The following CDX2 variants were observed in gnomAD, a reference collection of about 807,000 sequenced individuals.
CDX2 encodes the protein homeobox protein CDX-2.
CDX2 carries 7 observed loss-of-function variants against 25.5 expected under a neutral mutation model. The observed-to-expected ratio is 0.27, with a 90% CI of 0.16 to 0.52. The LOEUF (loss-of-function observed/expected upper bound fraction) is 0.52. Ranked by LOEUF, CDX2 falls within the 20% of genes least tolerant of loss-of-function variation. The pLI, the probability that CDX2 is intolerant of heterozygous loss-of-function variation, is 0.97. For missense variants in CDX2, 375 were observed against 431.4 expected (o/e 0.87, Z 1.16); for synonymous variants, 222 against 198.6 (o/e 1.12, Z -0.99).
In CDX2 at chr13:27,968,797, G is replaced by T. The variant is rs765641545; in HGVS notation, c.210C>A (p.Gly70=). The T allele has an allele frequency of 6.5e-7, 1 of 1,526,914 alleles. No individual in the cohort carries two copies. Among genetic ancestry groups the T allele is most frequent in the African/African-American group, 1.4e-5 (1 of 71,684 alleles). The allele number at this position is 1,526,914 out of a possible 1,614,324, so 94.6% of individuals were successfully genotyped here. The change falls in exon 1 of 3, where the codon GGC becomes GGA. Residue 70 remains glycine, a synonymous_variant. Transcript: ENST00000381020. ...CATTCCAGTCCTCCCGGAGTGGGGC[G>T]CCATACGCTGCCGGCCAGGATGGCC... ...SPGPSWPAAY[G]APLREDWNGY...
rs566282745 is a variant in CDX2, at chr13:27,962,630, A to C, written c.*485T>G. The stretch of plus-strand genomic sequence containing the variant: ...TATCTTAGCTGCCTTTGGCTTCCGC[A>C]GTGTAAACCTTGCCTGCCCGGAGGC... On this transcript the variant is annotated 3_prime_UTR_variant, in exon 3 of 3. Transcript: ENST00000381020. The C allele has an allele frequency of 4.3e-6, 1 of 234,258 alleles. No individual in the cohort carries two copies. The highest frequency in any genetic ancestry group is 2.2e-5 in the African/African-American group (1 of 45,478). The allele number at this position is 234,258 out of a possible 1,614,324, so 14.5% of individuals were successfully genotyped here. A position where few individuals can be genotyped will look rare whatever the true frequency, so the allele number is the denominator to read the frequency against.
In CDX2 at chr13:27,960,996, T is replaced by TGGGCGCGGCCG. The variant is rs893523527; in HGVS notation, c.*2108_*2118dup. ...CCCCGGCGGCTAGGGGGCGGGCCTG[T>TGGGCGCGGCCG]GGGCGCGGCCGGGGCGCGGGGAGAC... is the stretch of plus-strand genomic sequence containing the variant. On this transcript the variant is annotated 3_prime_UTR_variant, in exon 3 of 3. Coordinates refer to ENST00000381020, the MANE Select transcript of CDX2 (RefSeq NM_001265.6). Among the ~76,000 whole-genome samples the TGGGCGCGGCCG allele has an allele frequency of 7.9e-5, 12 of 152,310 alleles. No individual in the cohort carries two copies. The highest frequency in any genetic ancestry group is 2.6e-4 in the African/African-American group (11 of 41,582).
In CDX2 at chr13:27,962,894, A is replaced by G; in HGVS notation, c.*221T>C. On this transcript the variant is annotated 3_prime_UTR_variant, in exon 3 of 3. Coordinates refer to ENST00000381020, the MANE Select transcript of CDX2 (RefSeq NM_001265.6). Reference sequence around the variant, plus strand: ...AGGCTTTCTGTCTCCTCAGTGGCAGAAAAAGCCAGATGGGAAAAAGTAAAA... The same window carrying G: ...AGGCTTTCTGTCTCCTCAGTGGCAGGAAAAGCCAGATGGGAAAAAGTAAAA... 1 of 526,204 alleles carries G rather than the reference A, an allele frequency of 1.9e-6. No homozygotes were observed. Among genetic ancestry groups the G allele is most frequent in the African/African-American group, 1.9e-5 (1 of 53,518 alleles). 32.6% of individuals were successfully genotyped at this position (526,204 alleles called of 1,614,324 possible).
In CDX2 at chr13:27,969,186, C is replaced by G; in HGVS notation, c.-180G>C. On this transcript the variant is annotated 5_prime_UTR_variant, in exon 1 of 3. Transcript: ENST00000381020. ...TCTGCCTCCGAGGCGGTCCCTCCCT[C>G]TGGCCTGCCTCCTCCCTCCCTCCCT... 1.8e-6 allele frequency: 1 copy of G among 558,180 alleles called. No individual in the cohort carries two copies. The highest frequency in any genetic ancestry group is 3.1e-6 in the Non-Finnish European group (1 of 319,102). The allele number at this position is 558,180 out of a possible 1,614,324, so 34.6% of individuals were successfully genotyped here. A position where few individuals can be genotyped will look rare whatever the true frequency, so the allele number is the denominator to read the frequency against.
chr13:27,969,045 TG>T lies in CDX2; in HGVS notation c.-40del. ...CGGGAGCAGACCTCACCATGCTGCC[TG>T]GGGACCGACGCTGGAGGCTGCCGGG... is the stretch of plus-strand genomic sequence containing the variant. On this transcript the variant is annotated 5_prime_UTR_variant, in exon 1 of 3. Transcript: ENST00000381020. 2 of 1,517,610 alleles carry T rather than the reference TG, an allele frequency of 1.3e-6. No individual in the cohort carries two copies. Among genetic ancestry groups the T allele is most frequent in the Non-Finnish European group, 8.9e-7 (1 of 1,117,350 alleles). 94.0% of individuals were successfully genotyped at this position (1,517,610 alleles called of 1,614,324 possible).
Position 27,960,960 on chromosome 13 carries a change from A to G in CDX2, c.*2155T>C, listed in dbSNP as rs1201670149. On this transcript the variant is annotated 3_prime_UTR_variant, in exon 3 of 3. Coordinates refer to ENST00000381020, the MANE Select transcript of CDX2 (RefSeq NM_001265.6). ...GTTTATTGACAGGCGTTTCACGGCA[A>G]CGCATAGCAACCCCGGCGGCTAGGG... 6.6e-6 allele frequency among the ~76,000 whole-genome samples: 1 copy of G among 152,342 alleles called. No homozygotes were observed. Among genetic ancestry groups the G allele is most frequent in the Non-Finnish European group, 1.5e-5 (1 of 68,022 alleles).
chr13:27,969,137 G>C lies in CDX2; in HGVS notation c.-131C>G. 1 of 614,078 alleles carries C rather than the reference G, an allele frequency of 1.6e-6. No individual in the cohort carries two copies. The highest frequency in any genetic ancestry group is 2.1e-5 in the South Asian group (1 of 48,694). The allele number at this position is 614,078 out of a possible 1,614,324, so 38.0% of individuals were successfully genotyped here. A position where few individuals can be genotyped will look rare whatever the true frequency, so the allele number is the denominator to read the frequency against. On this transcript the variant is annotated 5_prime_UTR_variant, in exon 1 of 3. Transcript: ENST00000381020. Reference sequence around the variant, plus strand: ...GGGTGGCTGCGCCCCAGCCCGCGGTGCTCCGCTGGCTCCTCGCGGCTCTTC... The same window carrying C: ...GGGTGGCTGCGCCCCAGCCCGCGGTCCTCCGCTGGCTCCTCGCGGCTCTTC...
intron 2 of CDX2, 60 bp from the exon 3 acceptor site, chr13:27,963,429 C>A: frequency 7.7e-7 from 1 of 1,296,696 alleles, no homozygotes; most frequent in South Asian, 1.4e-5. Context: ...AAAAGAGGAA[C>A]AGTACCCAGC....
chr13:27,967,206 G>A (rs1869374367), intron 1 of CDX2: 1 of 465,902 alleles, frequency 2.1e-6, no homozygotes, highest in Non-Finnish European at 4.2e-6. Flanking sequence ...CCTGCTAGGA[G>A]AAAGGCGCCT....
rs1374976230 is a variant in CDX2, at chr13:27,968,338, C to T, written c.541+128G>A. The stretch of plus-strand genomic sequence containing the variant: ...CCCGAATTTGTCTCCGGGCCGTGCC[C>T]CTCCTGGCGCCGAGCTCCCAGACAG... On this transcript the variant is annotated intron_variant, in intron 1 of 2. Transcript: ENST00000381020. The T allele has an allele frequency of 4.2e-6, 5 of 1,179,032 alleles. No individual in the cohort carries two copies. The South Asian group carries it at 6.5e-5, about 15-fold the overall frequency. The allele number at this position is 1,179,032 out of a possible 1,614,324, so 73.0% of individuals were successfully genotyped here.
chr13:27,967,128 C>A (rs962044261), intron 1 of CDX2: 9 of 380,012 alleles, frequency 2.4e-5, no homozygotes, highest in Non-Finnish European at 4.6e-5. Context: ...GCGTGCGCCA[C>A]CCCCGCCAAC....
At chr13:27,966,457 C>A (rs1869329817) in intron 1 of CDX2, among the ~76,000 whole-genome samples, 1 of 152,220 alleles carries the variant, frequency 6.6e-6, no homozygotes, top group Admixed American at 6.5e-5. Flanking sequence ...GACCGGGTCA[C>A]GCAGATAGTA....
rs1167497836 is a variant in CDX2, at chr13:27,962,378, T to G, written c.*737A>C. The G allele has an allele frequency of 4.3e-6, 1 of 232,610 alleles. No individual in the cohort carries two copies. Among genetic ancestry groups the G allele is most frequent in the Non-Finnish European group, 8.5e-6 (1 of 117,554 alleles). The allele number at this position is 232,610 out of a possible 1,614,324, so 14.4% of individuals were successfully genotyped here. ...AAAATGACAGGAAGTCCAGGTTGGC[T>G]CTGGCATTTATAGCACTGACATACA... On this transcript the variant is annotated 3_prime_UTR_variant, in exon 3 of 3. Coordinates refer to ENST00000381020, the MANE Select transcript of CDX2 (RefSeq NM_001265.6).
chr13:27,966,706 C>A (rs966928248), intron 1 of CDX2, among the ~76,000 whole-genome samples: 6 of 152,190 alleles, frequency 3.9e-5, no homozygotes, highest in African/African-American at 1.2e-4. Flanking sequence ...CCCCACACCC[C>A]CTGGGAACCT....
Position 27,969,163 on chromosome 13 carries a change from T to G in CDX2, c.-157A>C. 1.8e-6 allele frequency: 1 copy of G among 570,344 alleles called. No homozygotes were observed. Among genetic ancestry groups the G allele is most frequent in the East Asian group, 3.3e-5 (1 of 29,872 alleles). The allele number at this position is 570,344 out of a possible 1,614,324, so 35.3% of individuals were successfully genotyped here. On this transcript the variant is annotated 5_prime_UTR_variant, in exon 1 of 3. Coordinates refer to ENST00000381020, the MANE Select transcript of CDX2 (RefSeq NM_001265.6). ...CTCCGCTGGCTCCTCGCGGCTCTTC[T>G]GCCTCCGAGGCGGTCCCTCCCTCTG...
chr13:27,965,499 A>G (rs1415270880), intron 1 of CDX2, among the ~76,000 whole-genome samples: 4 of 152,172 alleles, frequency 2.6e-5, no homozygotes, highest in African/African-American at 4.8e-5. Context: ...ACAAGTGGAA[A>G]GCGGGGCTCA....
chr13:27,968,696 G>T lies in CDX2; in HGVS notation c.311C>A (p.Ala104Asp). Reference sequence around the variant, plus strand: ...GTCTGCGGGGCTGCTGTAGCCCATGGCTGCGGCCGGGGAGCCACCGTTGAG... The same window carrying T: ...GTCTGCGGGGCTGCTGTAGCCCATGTCTGCGGCCGGGGAGCCACCGTTGAG... ...HGLNGGSPAAAMGYSSPADYH... is the reference protein window; with the variant it reads ...HGLNGGSPAADMGYSSPADYH... The change falls in exon 1 of 3, where the codon GCC (alanine) becomes GAC (aspartate). Residue 104 changes from alanine to aspartate, a missense_variant. By Grantham distance (126) the Ala-to-Asp change is moderately radical. Coordinates refer to ENST00000381020, the MANE Select transcript of CDX2 (RefSeq NM_001265.6). 3.3e-6 allele frequency: 5 copies of T among 1,532,062 alleles called. No homozygotes were observed. Among genetic ancestry groups the T allele is most frequent in the Non-Finnish European group, 3.5e-6 (4 of 1,144,072 alleles). 94.9% of individuals were successfully genotyped at this position (1,532,062 alleles called of 1,614,324 possible).
chr13:27,963,637 TA>T (rs1242911098), intron 2 of CDX2, among the ~76,000 whole-genome samples: 2 of 152,174 alleles, frequency 1.3e-5, no homozygotes, highest in Non-Finnish European at 1.5e-5. Flanking sequence ...TGCAAAAGTT[TA>T]AAGTCTCAGA....
In CDX2 at chr13:27,962,850, C is replaced by G. The variant is rs1234227417; in HGVS notation, c.*265G>C. 1 of 414,506 alleles carries G rather than the reference C, an allele frequency of 2.4e-6. No individual in the cohort carries two copies. The highest frequency in any genetic ancestry group is 4.3e-6 in the Non-Finnish European group (1 of 233,182). The allele number at this position is 414,506 out of a possible 1,614,324, so 25.7% of individuals were successfully genotyped here. A position where few individuals can be genotyped will look rare whatever the true frequency, so the allele number is the denominator to read the frequency against. ...CAGTCCAGGCAATGCTTCTGCCAGT[C>G]CGGAATGAAGCCCAGCGGAGGCTTT... is the stretch of plus-strand genomic sequence containing the variant. On this transcript the variant is annotated 3_prime_UTR_variant, in exon 3 of 3. Transcript: ENST00000381020.
Sources: gnomAD v4.1 joint callset for allele counts (sites outside exome capture counted in the v4.1 genomes callset) on GRCh38, gnomAD v4.1.1 for gene constraint, MANE v1.5 for transcripts, NCBI Gene and HGNC (gene_info 2026-07-23, HGNC 2026-07-21) for gene names.